ERBB4: variants seen among roughly 807,000 people sequenced by gnomAD.
ERBB4 encodes receptor tyrosine-protein kinase erbB-4.
ERBB4 carries 42 observed loss-of-function variants against 158.0 expected under a neutral mutation model. The observed-to-expected ratio is 0.27, with a 90% CI of 0.21 to 0.34. The LOEUF (loss-of-function observed/expected upper bound fraction) is 0.34, where lower values mean the gene tolerates loss of function less well. ERBB4 is among the 10% of genes least tolerant of loss of function. ERBB4 has a pLI of 1.00. For missense variants in ERBB4, 1,333 were observed against 1,624.1 expected, an observed-to-expected ratio of 0.82 and a Z score of 3.08; for synonymous variants, 583 against 558.7, an observed-to-expected ratio of 1.04 and a Z score of -0.61.
chr2:211,454,197 CT>C (rs2064322736), intron 20 of ERBB4, among the ~76,000 whole-genome samples: 1 of 152,118 alleles, frequency 6.6e-6, no homozygotes. Context: ...TTGCACCAAT[CT>C]AATATTTGTA....
At chr2:212,156,848 T>C (rs1003833495) in intron 1 of ERBB4, among the ~76,000 whole-genome samples, 3 of 152,052 alleles carry the variant, frequency 2.0e-5, no homozygotes, top group African/African-American at 7.2e-5. Flanking sequence ...TGCTTCTATC[T>C]CCCTAATATC....
At chr2:212,438,468 A>G (rs1449337730) in intron 1 of ERBB4, among the ~76,000 whole-genome samples, 1 of 152,108 alleles carries the variant, frequency 6.6e-6, no homozygotes, top group Non-Finnish European at 1.5e-5. Flanking sequence ...TGTGTTGTGT[A>G]TGAATTTTAA....
Position 211,570,643 on chromosome 2 carries a change from C to T in ERBB4, c.2302-8555G>A, listed in dbSNP as rs73985500. Among the ~76,000 whole-genome samples the T allele has an allele frequency of 1.5e-3, 224 of 152,196 alleles. 2 individuals are homozygous for T. The highest frequency in any genetic ancestry group is 5.2e-3 in the African/African-American group (214 of 41,522). ...TTACCATGATTTATCTCTAGTACAA[C>T]TTCACCTTCACTGTGCTTACCACCT... On this transcript the variant is annotated intron_variant, in intron 19 of 27. Coordinates refer to ENST00000342788, the MANE Select transcript of ERBB4 (RefSeq NM_005235.3).
intron 1 of ERBB4, among the ~76,000 whole-genome samples, chr2:212,147,918 T>C (rs1414575271): frequency 6.6e-6 from 1 of 152,166 alleles, no homozygotes; most frequent in East Asian, 1.9e-4. Context: ...CTGTGATTTA[T>C]CCTTCTTTCT....
chr2:211,866,495 C>T (rs931119221), intron 3 of ERBB4, among the ~76,000 whole-genome samples: 3 of 152,040 alleles, frequency 2.0e-5, no homozygotes, highest in Admixed American at 1.3e-4. Flanking sequence ...ATGCATGGGC[C>T]TTCAAATGAA....
At chr2:211,537,411 A>G (rs963938467) in intron 20 of ERBB4, among the ~76,000 whole-genome samples, 1 of 152,044 alleles carries the variant, frequency 6.6e-6, no homozygotes, top group East Asian at 1.9e-4. Context: ...AATATCTTAA[A>G]ATCATTTAGT....
intron 1 of ERBB4, among the ~76,000 whole-genome samples, chr2:212,146,700 C>T (rs1420112588): frequency 1.3e-5 from 2 of 152,160 alleles, no homozygotes; most frequent in Non-Finnish European, 2.9e-5. Context: ...GGCAAGCATT[C>T]ACTCTATTTA....
chr2:211,848,596 G>A (rs1171587339), intron 3 of ERBB4, among the ~76,000 whole-genome samples: 4 of 151,944 alleles, frequency 2.6e-5, no homozygotes, highest in Admixed American at 6.6e-5. Context: ...AAACTGAAGG[G>A]AGAACAATCT....
At chr2:212,410,607 T>C (rs6756468) in intron 1 of ERBB4, among the ~76,000 whole-genome samples, 17,681 of 152,080 alleles carry the variant, frequency 0.12, 1,102 homozygotes, top group African/African-American at 0.16. Flanking sequence ...CATTTTCTCA[T>C]CTAAGTCTAA....
chr2:211,420,718 C>T, intron 24 of ERBB4, 107 bp from the exon 25 acceptor site: 1 of 983,578 alleles, frequency 1.0e-6, no homozygotes, highest in Non-Finnish European at 1.6e-6. Flanking sequence ...TTGAAAAATT[C>T]ATACACACAT....
At chr2:211,609,128 A>G (rs2069095487) in intron 19 of ERBB4, among the ~76,000 whole-genome samples, 1 of 152,006 alleles carries the variant, frequency 6.6e-6, no homozygotes, top group Non-Finnish European at 1.5e-5. Context: ...GCTCAGTCCC[A>G]TTTTCCACCA....
chr2:211,381,938 C>A lies in ERBB4; in HGVS notation c.*1677G>T, dbSNP rs113165727. ...AGGCCCCCTTTACTTGGAGACTCATCTCTGTCATTTGTTCTCATCCTTCAT... is the reference window on the plus strand; with the variant it reads ...AGGCCCCCTTTACTTGGAGACTCATATCTGTCATTTGTTCTCATCCTTCAT... On this transcript the variant is annotated 3_prime_UTR_variant, in exon 28 of 28. Transcript: ENST00000342788. 4,326 of 229,690 alleles carry A rather than the reference C, an allele frequency of 0.019. 169 individuals carry two copies. Among genetic ancestry groups the A allele is most frequent in the African/African-American group, 0.084 (3,796 of 45,224 alleles). The allele number at this position is 229,690 out of a possible 1,614,324, so 14.2% of individuals were successfully genotyped here. A position where few individuals can be genotyped will look rare whatever the true frequency, so the allele number is the denominator to read the frequency against.
chr2:211,773,359 G>A (rs2075764602), intron 4 of ERBB4, among the ~76,000 whole-genome samples: 1 of 150,932 alleles, frequency 6.6e-6, no homozygotes, highest in African/African-American at 2.4e-5. Flanking sequence ...TTACATAAAT[G>A]TTTACTTTTT....
rs186385135 is a variant in ERBB4 at position 212,059,674 on chromosome 2, C to G, written c.234+65078G>C. Among the ~76,000 whole-genome samples the G allele has an allele frequency of 9.5e-4, 145 of 152,224 alleles. 1 individual carries two copies. The highest frequency in any genetic ancestry group is 3.2e-3 in the African/African-American group (132 of 41,530). ...ACCATCTGATCTTTGACAAACCTGA[C>G]AAAAACAAGAAATGGAGAAAGATTC... On this transcript the variant is annotated intron_variant, in intron 2 of 27. Transcript: ENST00000342788.
chr2:211,767,305 A>G (rs2075576254), intron 4 of ERBB4, among the ~76,000 whole-genome samples: 1 of 152,210 alleles, frequency 6.6e-6, no homozygotes, highest in Non-Finnish European at 1.5e-5. Flanking sequence ...TACTGAATAG[A>G]GTCAGTGTAA....
chr2:211,785,564 G>C (rs2076140947), intron 4 of ERBB4, among the ~76,000 whole-genome samples: 2 of 152,058 alleles, frequency 1.3e-5, no homozygotes, highest in Non-Finnish European at 2.9e-5. Flanking sequence ...CTTATGCTTA[G>C]GTCTGTAATT....
chr2:211,718,065 C>G (rs909043072), intron 7 of ERBB4, among the ~76,000 whole-genome samples: 1 of 152,058 alleles, frequency 6.6e-6, no homozygotes, highest in African/African-American at 2.4e-5. Context: ...GTGTGTGCCA[C>G]CACGACCGGA....
chr2:212,283,242 T>C (rs1166108234), intron 1 of ERBB4, among the ~76,000 whole-genome samples: 2 of 151,906 alleles, frequency 1.3e-5, no homozygotes, highest in Non-Finnish European at 2.9e-5. Context: ...ACTGCTGGGT[T>C]TAATTACTCA....
chr2:211,491,799 T>C (rs1574598641), intron 20 of ERBB4, among the ~76,000 whole-genome samples: 1 of 152,206 alleles, frequency 6.6e-6, no homozygotes, highest in South Asian at 2.1e-4. Context: ...AACATCATTC[T>C]TGTTTTATTT....
Sources: gnomAD v4.1 joint callset for allele counts (sites outside exome capture counted in the v4.1 genomes callset) on GRCh38, gnomAD v4.1.1 for gene constraint, MANE v1.5 for transcripts, NCBI Gene and HGNC (gene_info 2026-07-23, HGNC 2026-07-21) for gene names.